RGS6: variants seen among roughly 807,000 people sequenced by gnomAD.
RGS6 encodes the protein regulator of G protein signaling 6.
Under a neutral mutation model 78.5 loss-of-function variants are expected in RGS6, and 30 were observed. The ratio of observed to expected loss-of-function variants is 0.38; its 90% CI spans 0.29 to 0.52. The LOEUF is 0.52. Ranked by LOEUF, RGS6 falls within the 20% of genes least tolerant of loss-of-function variation. RGS6 has a pLI of 0.85. For synonymous variants in RGS6, 206 were observed against 206.0 expected, an observed-to-expected ratio of 1.00 and a Z score of 0.00; for missense variants, 495 against 609.7, an observed-to-expected ratio of 0.81 and a Z score of 1.98.
intron 2 of RGS6, among the ~76,000 whole-genome samples, chr14:72,095,907 C>T (rs1261402592): frequency 2.0e-5 from 3 of 152,114 alleles, no homozygotes; most frequent in Non-Finnish European, 2.9e-5. Flanking sequence ...TCAGTGGGGA[C>T]GAGATAGTTT....
intron 2 of RGS6, among the ~76,000 whole-genome samples, chr14:72,009,661 C>T (rs775515295): frequency 6.6e-6 from 1 of 152,172 alleles, no homozygotes; most frequent in Admixed American, 6.5e-5. Context: ...ACCCAGAGCT[C>T]CTGAGCTAGG....
At chr14:72,372,475 G>T (rs1373452058) in intron 3 of RGS6, among the ~76,000 whole-genome samples, 1 of 152,152 alleles carries the variant, frequency 6.6e-6, no homozygotes, top group Non-Finnish European at 1.5e-5. Context: ...TATGCCCCTA[G>T]AATATTATTT....
intron 2 of RGS6, among the ~76,000 whole-genome samples, chr14:72,298,452 TTTTCCC>T (rs2065319472): frequency 1.4e-5 from 1 of 71,542 alleles, no homozygotes; most frequent in African/African-American, 1.5e-4. Flanking sequence ...TTTTTTTTTT[TTTTCCC>T]CCCCTCTGAG....
intron 2 of RGS6, among the ~76,000 whole-genome samples, chr14:72,136,560 A>G (rs536664076): frequency 6.6e-6 from 1 of 152,208 alleles, no homozygotes; most frequent in East Asian, 1.9e-4. Flanking sequence ...ATAAAACCGT[A>G]AGATTTCACG....
At chr14:72,306,221 T>C (rs1369257578) in intron 2 of RGS6, among the ~76,000 whole-genome samples, 1 of 152,200 alleles carries the variant, frequency 6.6e-6, no homozygotes, top group African/African-American at 2.4e-5. Context: ...AGACCACTGT[T>C]GAGACCTACT....
intron 2 of RGS6, among the ~76,000 whole-genome samples, chr14:72,348,321 T>TA (rs1284751813): frequency 6.6e-6 from 1 of 152,236 alleles, no homozygotes. Context: ...ATAAATTGCT[T>TA]AACCTTTCTA....
intron 2 of RGS6, among the ~76,000 whole-genome samples, chr14:72,336,309 T>C (rs568050087): frequency 1.3e-5 from 2 of 152,306 alleles, no homozygotes; most frequent in Non-Finnish European, 2.9e-5. Context: ...TTCTTGACCC[T>C]CCTAGTTTTA....
rs142398068 is a variant in RGS6 at position 72,332,270 on chromosome 14, C to T, written c.85-19825C>T. Among the ~76,000 whole-genome samples, 279 of 152,304 alleles carry T rather than the reference C, an allele frequency of 1.8e-3. 1 individual carries two copies. The highest frequency in any genetic ancestry group is 6.3e-3 in the African/African-American group (260 of 41,574). On this transcript the variant is annotated intron_variant, in intron 2 of 17. Transcript: ENST00000553525. ...GAGAGGAGTTTTGCAGAGTCCTGAA[C>T]GCTTTGCCAAAAAAGAGCGTTGGCC...
chr14:71,934,614 A>G (rs982766856), intron 1 of RGS6, among the ~76,000 whole-genome samples: 1 of 152,194 alleles, frequency 6.6e-6, no homozygotes, highest in Non-Finnish European at 1.5e-5. Context: ...AAATGAGTCC[A>G]TTTTAATTAT....
At chr14:71,985,248 C>T (rs193158421) in intron 2 of RGS6, among the ~76,000 whole-genome samples, 11 of 152,244 alleles carry the variant, frequency 7.2e-5, no homozygotes, top group East Asian at 1.9e-4. Flanking sequence ...CTCAGCCTCC[C>T]GAGTAGCTGG....
At chr14:71,916,617 C>T in the RGS6 span, among the ~76,000 whole-genome samples, 1 of 152,098 alleles carries the variant, frequency 6.6e-6, no homozygotes, top group South Asian at 2.1e-4. Context: ...ATTCTCCAGA[C>T]GCCGAGCCCG....
At chr14:72,615,584 G>A in the RGS6 span, among the ~76,000 whole-genome samples, 2 of 152,110 alleles carry the variant, frequency 1.3e-5, no homozygotes, top group Non-Finnish European at 2.9e-5. Flanking sequence ...AGTTCTGGAG[G>A]AATCTGGCCT....
intron 3 of RGS6, among the ~76,000 whole-genome samples, chr14:72,376,982 G>A (rs1201972345): frequency 2.0e-5 from 3 of 152,106 alleles, no homozygotes; most frequent in African/African-American, 7.2e-5. Flanking sequence ...GCAAAAATAA[G>A]AGAGGAAGTA....
chr14:72,255,498 G>A (rs2056880242), intron 2 of RGS6, among the ~76,000 whole-genome samples: 1 of 152,184 alleles, frequency 6.6e-6, no homozygotes, highest in Non-Finnish European at 1.5e-5. Flanking sequence ...TCTAGTAATA[G>A]TGAAGTGAAT....
At chr14:72,345,295 C>A (rs2077806002) in intron 2 of RGS6, among the ~76,000 whole-genome samples, 1 of 152,186 alleles carries the variant, frequency 6.6e-6, no homozygotes, top group Non-Finnish European at 1.5e-5. Context: ...CACATATGGA[C>A]TGCTTGTTAT....
chr14:72,256,909 T>C (rs1475620566), intron 2 of RGS6, among the ~76,000 whole-genome samples: 1 of 152,160 alleles, frequency 6.6e-6, no homozygotes, highest in Non-Finnish European at 1.5e-5. Flanking sequence ...CTTAGTGATG[T>C]TGAGATTGGG....
chr14:71,952,816 T>C (rs1270839670), intron 1 of RGS6, among the ~76,000 whole-genome samples: 2 of 150,318 alleles, frequency 1.3e-5, no homozygotes, highest in Non-Finnish European at 3.0e-5. Context: ...TACCTGTTCC[T>C]TTTTAAAAAA....
At chr14:72,559,269 CTG>C (rs2097636558) in intron 17 of RGS6, among the ~76,000 whole-genome samples, 1 of 152,232 alleles carries the variant, frequency 6.6e-6, no homozygotes, top group Non-Finnish European at 1.5e-5. Flanking sequence ...CAGCTCATCT[CTG>C]AACACAGGTA....
chr14:72,238,953 A>G (rs1567550749), intron 2 of RGS6, among the ~76,000 whole-genome samples: 1 of 152,242 alleles, frequency 6.6e-6, no homozygotes, highest in African/African-American at 2.4e-5. Flanking sequence ...CAGCAATTCC[A>G]TATGGATCTG....
Sources: gnomAD v4.1 joint callset for allele counts (sites outside exome capture counted in the v4.1 genomes callset) on GRCh38, gnomAD v4.1.1 for gene constraint, MANE v1.5 for transcripts, NCBI Gene and HGNC (gene_info 2026-07-23, HGNC 2026-07-21) for gene names.